The following PHF13 variants were observed in gnomAD, a reference collection of about 807,000 sequenced individuals.
The protein encoded by PHF13 is PHD finger protein 13, also known as PHD zinc finger protein PHF5.
In PHF13, 1 loss-of-function variant was observed where a neutral mutation model predicts 25.8. That is an observed-to-expected ratio of 0.04 (90% CI 0.01 to 0.18). The LOEUF is 0.18. Ranked by LOEUF, PHF13 falls within the 10% of genes least tolerant of loss-of-function variation. PHF13 has a pLI of 1.00. For synonymous variants in PHF13, 195 were observed against 162.4 expected, an observed-to-expected ratio of 1.20 and a Z score of -1.53; for missense variants, 306 against 403.2, an observed-to-expected ratio of 0.76 and a Z score of 2.06.
At chr1:6,617,174 A>AC (rs943991425) in intron 2 of PHF13, among the ~76,000 whole-genome samples, 7 of 146,982 alleles carry the variant, frequency 4.8e-5, no homozygotes, top group Non-Finnish European at 7.5e-5. Context: ...GTAAAACTCC[A>AC]CCCCCGGGTT....
Position 6,613,882 on chromosome 1 carries a change from C to A in PHF13, c.-185C>A. On this transcript the variant is annotated 5_prime_UTR_variant, in exon 1 of 4. Transcript: ENST00000377648. ...CGTCCACTCCGGTCGGCGGTGGAAC[C>A]GCCAGTCCGGGGTCACAGAGCTTGA... 2 of 513,796 alleles carry A rather than the reference C, an allele frequency of 3.9e-6. No individual in the cohort carries two copies. The highest frequency in any genetic ancestry group is 4.9e-5 in the South Asian group (2 of 40,752). The allele number at this position is 513,796 out of a possible 1,614,324, so 31.8% of individuals were successfully genotyped here.
chr1:6,620,025 A>AGGAAGC lies in PHF13; in HGVS notation c.366_371dup (p.Lys123_Arg124dup). On this transcript the variant is annotated inframe_insertion, in exon 3 of 4. Coordinates refer to ENST00000377648, the MANE Select transcript of PHF13 (RefSeq NM_153812.3). Reference sequence around the variant, plus strand: ...GGACAAGCTGAAGAAGAAGAAGAAGAGGAAGCGCAGGGACAGTGATGCGCC... The same window carrying AGGAAGC: ...GGACAAGCTGAAGAAGAAGAAGAAGAGGAAGCGGAAGCGCAGGGACAGTGATGCGCC... 1.2e-6 allele frequency: 2 copies of AGGAAGC among 1,613,698 alleles called. No homozygotes were observed. Among genetic ancestry groups the AGGAAGC allele is most frequent in the Non-Finnish European group, 1.7e-6 (2 of 1,179,958 alleles).
At chr1:6,616,015 T>C (rs1377340222) in intron 1 of PHF13, among the ~76,000 whole-genome samples, 3 of 140,578 alleles carry the variant, frequency 2.1e-5, no homozygotes, top group African/African-American at 8.0e-5. Context: ...CTCTGGAGAA[T>C]GAGTGGTTGA....
intron 2 of PHF13, among the ~76,000 whole-genome samples, chr1:6,618,936 C>T (rs189246543): frequency 3.3e-5 from 5 of 152,202 alleles, no homozygotes; most frequent in South Asian, 2.1e-4. Context: ...TGTGAGCCCC[C>T]GCACCCAGCC....
intron 3 of PHF13, among the ~76,000 whole-genome samples, chr1:6,620,852 T>C (rs1641327909): frequency 6.6e-6 from 1 of 150,602 alleles, no homozygotes; most frequent in Admixed American, 6.6e-5. Flanking sequence ...ACCCCGACTC[T>C]ACTAAAGATA....
chr1:6,618,490 G>A (rs1641292877), intron 2 of PHF13, among the ~76,000 whole-genome samples: 1 of 152,152 alleles, frequency 6.6e-6, no homozygotes, highest in Admixed American at 6.5e-5. Flanking sequence ...TGGTCTCGAG[G>A]TAGTGATGCT....
chr1:6,616,874 T>A lies in PHF13; in HGVS notation c.141+16T>A, dbSNP rs970937861. On this transcript the variant is annotated intron_variant, in intron 2 of 3. Transcript: ENST00000377648. ...TCCGAAGGAGGTAATCTTCTGAGTTTCTGAGACCTTTCTTGATGAGTAGTC... is the reference window on the plus strand; with the variant it reads ...TCCGAAGGAGGTAATCTTCTGAGTTACTGAGACCTTTCTTGATGAGTAGTC... 2 of 1,607,078 alleles carry A rather than the reference T, an allele frequency of 1.2e-6. No homozygotes were observed. The highest frequency in any genetic ancestry group is 3.3e-5 in the Admixed American group (2 of 59,998).
rs774222676 is a variant in PHF13, at chr1:6,619,876, C to T, written c.215C>T (p.Ala72Val). ...AGTIDSDGWD[A>V]GFSDIASSVP... ...ACCATTGACAGCGACGGCTGGGACGCGGGTTTCTCAGACATCGCGTCCTCA... is the reference window on the plus strand; with the variant it reads ...ACCATTGACAGCGACGGCTGGGACGTGGGTTTCTCAGACATCGCGTCCTCA... The change falls in exon 3 of 4, where the codon GCG becomes GTG. Residue 72 changes from alanine (A) to valine (V), a missense_variant. Coordinates refer to ENST00000377648, the MANE Select transcript of PHF13 (RefSeq NM_153812.3). 15 of 1,613,850 alleles carry T rather than the reference C, an allele frequency of 9.3e-6. No homozygotes were observed. Among genetic ancestry groups the T allele is most frequent in the Non-Finnish European group, 1.2e-5 (14 of 1,180,024 alleles).
Position 6,621,389 on chromosome 1 carries a change from T to C in PHF13, c.677-22T>C. On this transcript the variant is annotated intron_variant, in intron 3 of 3. Coordinates refer to ENST00000377648, the MANE Select transcript of PHF13 (RefSeq NM_153812.3). This position sits in a 1 kb window ranked among gnomAD's most constrained non-coding sequence, Gnocchi z 4.8. ...AATGATGGGAATTTCTCTTCCCTCCTTGAGAGTATCTTTCCTTCCAGATGA... is the reference window on the plus strand; with the variant it reads ...AATGATGGGAATTTCTCTTCCCTCCCTGAGAGTATCTTTCCTTCCAGATGA... The C allele has an allele frequency of 6.2e-7, 1 of 1,612,196 alleles. No homozygotes were observed. Among genetic ancestry groups the C allele is most frequent in the Non-Finnish European group, 8.5e-7 (1 of 1,178,362 alleles).
In PHF13 at chr1:6,619,906, C is replaced by G. The variant is rs1358997613; in HGVS notation, c.245C>G (p.Pro82Arg). ...AGFSDIASSV[P>R]LPVSDRCFSH... ...TTCTCAGACATCGCGTCCTCAGTGC[C>G]CTTGCCAGTCTCTGACCGCTGCTTT... The change falls in exon 3 of 4, where the codon CCC becomes CGC. Residue 82 changes from proline (P) to arginine (R), a missense_variant. Pro to Arg is a moderately radical substitution (Grantham distance 103). Coordinates refer to ENST00000377648, the MANE Select transcript of PHF13 (RefSeq NM_153812.3). 1.2e-6 allele frequency: 2 copies of G among 1,613,860 alleles called. No individual in the cohort carries two copies. The highest frequency in any genetic ancestry group is 1.7e-6 in the Non-Finnish European group (2 of 1,180,048).
In PHF13 at chr1:6,622,559, C is replaced by T. The variant is rs1037267974; in HGVS notation, c.*922C>T. On this transcript the variant is annotated 3_prime_UTR_variant, in exon 4 of 4. Coordinates refer to ENST00000377648, the MANE Select transcript of PHF13 (RefSeq NM_153812.3). ...AAGGTTAGGCAATCACTGGGACCCGCATGGTGTTCCTCCAAAGAATAGGGT... is the reference window on the plus strand; with the variant it reads ...AAGGTTAGGCAATCACTGGGACCCGTATGGTGTTCCTCCAAAGAATAGGGT... 4 of 152,340 alleles carry T rather than the reference C, an allele frequency of 2.6e-5. No homozygotes were observed. Among genetic ancestry groups the T allele is most frequent in the African/African-American group, 7.2e-5 (3 of 41,438 alleles). The allele number at this position is 152,340 out of a possible 1,614,324, so 9.4% of individuals were successfully genotyped here.
intron 2 of PHF13, 81 bp downstream of exon 2, chr1:6,616,939 T>A: frequency 8.4e-7 from 1 of 1,197,072 alleles, no homozygotes; most frequent in Non-Finnish European, 1.2e-6. Context: ...GGCTTCTGAC[T>A]GGTCAGAGGG....
intron 1 of PHF13, chr1:6,614,366 C>G (rs922966926): frequency 6.3e-6 from 3 of 474,242 alleles, no homozygotes; most frequent in African/African-American, 4.2e-5. Context: ...GCGCCTATTT[C>G]TCTCCCCCGG....
rs1357119070 is a variant in PHF13 at position 6,623,711 on chromosome 1, G to A, written c.*2074G>A. ...CCCTGTGGGTGGTGTCTAAGAAGTC[G>A]GACACCTTGGTTTTTGTGTTAGATT... On this transcript the variant is annotated 3_prime_UTR_variant, in exon 4 of 4. Coordinates refer to ENST00000377648, the MANE Select transcript of PHF13 (RefSeq NM_153812.3). The A allele has an allele frequency of 1.3e-5, 2 of 152,544 alleles. No homozygotes were observed. The highest frequency in any genetic ancestry group is 2.9e-5 in the Non-Finnish European group (2 of 68,022). 9.4% of individuals were successfully genotyped at this position (152,544 alleles called of 1,614,324 possible).
At chr1:6,617,151 G>A (rs978521981) in intron 2 of PHF13, among the ~76,000 whole-genome samples, 1 of 152,164 alleles carries the variant, frequency 6.6e-6, no homozygotes, top group Non-Finnish European at 1.5e-5. Flanking sequence ...CGCCCAGGCT[G>A]GAGTGCAGTG....
intron 3 of PHF13, among the ~76,000 whole-genome samples, chr1:6,620,803 A>G (rs1269155237): frequency 6.6e-6 from 1 of 151,898 alleles, no homozygotes; most frequent in Admixed American, 6.6e-5. Flanking sequence ...GCAGATCACG[A>G]GGTCAGGAGT....
chr1:6,617,731 C>T (rs540722116), intron 2 of PHF13, among the ~76,000 whole-genome samples: 7 of 152,178 alleles, frequency 4.6e-5, no homozygotes, highest in Non-Finnish European at 7.3e-5. Context: ...ACCTGGCTGT[C>T]TGCTTGCTTT....
In PHF13 at chr1:6,621,034, A is replaced by AG. The variant is rs1641330756; in HGVS notation, c.677-377_677-376insG. ...GCGACAGCAAAACTCCGTCTCAAGA[A>AG]AAAAAAAAAAAACAATAGTCGAGTG... On this transcript the variant is annotated intron_variant, in intron 3 of 3. Coordinates refer to ENST00000377648, the MANE Select transcript of PHF13 (RefSeq NM_153812.3). The surrounding 1 kb of genome is among the most constrained non-coding windows in gnomAD (Gnocchi z 4.8). Among the ~76,000 whole-genome samples, 2 of 149,262 alleles carry AG rather than the reference A, an allele frequency of 1.3e-5. No homozygotes were observed. Among genetic ancestry groups the AG allele is most frequent in the African/African-American group, 2.5e-5 (1 of 40,484 alleles).
At chr1:6,614,762 C>T (rs953812584) in intron 1 of PHF13, among the ~76,000 whole-genome samples, 3 of 151,052 alleles carry the variant, frequency 2.0e-5, no homozygotes, top group Admixed American at 6.6e-5. Flanking sequence ...CCCCCGCCCG[C>T]GGGCTTTGCT....
Sources: allele counts gnomAD v4.1 joint callset (sites outside exome capture counted in the v4.1 genomes callset), GRCh38; gene constraint gnomAD v4.1.1; non-coding constraint Gnocchi (gnomAD v3.1); transcripts MANE v1.5; gene names NCBI Gene and HGNC (gene_info 2026-07-23, HGNC 2026-07-21).